CUX2: variants seen among roughly 807,000 people sequenced by gnomAD.
CUX2 encodes the protein homeobox protein cut-like 2.
In CUX2, 40 loss-of-function variants were observed where a neutral mutation model predicts 144.8. That is an observed-to-expected ratio of 0.28 (90% CI 0.21 to 0.36). The LOEUF is 0.36. CUX2 is among the 10% of genes least tolerant of loss of function. The pLI, the probability that CUX2 is intolerant of heterozygous loss-of-function variation, is 1.00. For synonymous variants in CUX2, 827 were observed against 875.6 expected, an observed-to-expected ratio of 0.94 and a Z score of 0.98; for missense variants, 1,615 against 1,994.0, an observed-to-expected ratio of 0.81 and a Z score of 3.62.
intron 1 of CUX2, among the ~76,000 whole-genome samples, chr12:111,103,123 A>G (rs1873361357): frequency 6.6e-6 from 1 of 152,014 alleles, no homozygotes; most frequent in African/African-American, 2.4e-5. Context: ...TTTCTATTTC[A>G]TGGATTTTTG....
intron 1 of CUX2, among the ~76,000 whole-genome samples, chr12:111,147,852 C>T (rs556660717): frequency 4.6e-5 from 7 of 152,250 alleles, no homozygotes; most frequent in African/African-American, 1.7e-4. Flanking sequence ...ACGAGTCCTC[C>T]AGGGGGCCCA....
chr12:111,281,183 G>A (rs981312914), intron 4 of CUX2, among the ~76,000 whole-genome samples: 1 of 152,084 alleles, frequency 6.6e-6, no homozygotes, highest in Non-Finnish European at 1.5e-5. Context: ...TCAACAGAGG[G>A]GCTTTGGCAT....
At chr12:111,245,992 C>A (rs986261651) in intron 3 of CUX2, among the ~76,000 whole-genome samples, 2 of 152,154 alleles carry the variant, frequency 1.3e-5, no homozygotes, top group African/African-American at 4.8e-5. Flanking sequence ...GCCTGTACCC[C>A]GCTCAGGCAG....
intron 1 of CUX2, among the ~76,000 whole-genome samples, chr12:111,184,263 A>G (rs1396625453): frequency 6.6e-6 from 1 of 152,176 alleles, no homozygotes; most frequent in Non-Finnish European, 1.5e-5. Flanking sequence ...ATTAATAGTA[A>G]GAGGAAACCC....
chr12:111,239,154 CCTT>C (rs1018658919), intron 3 of CUX2, among the ~76,000 whole-genome samples: 1 of 152,174 alleles, frequency 6.6e-6, no homozygotes, highest in Non-Finnish European at 1.5e-5. Flanking sequence ...GAACGCCTCT[CCTT>C]ATTCTAGTCT....
Position 111,201,512 on chromosome 12 carries a change from C to T in CUX2, c.64-12688C>T, listed in dbSNP as rs78042442. 1.8e-3 allele frequency among the ~76,000 whole-genome samples: 269 copies of T among 152,346 alleles called. 1 individual carries two copies. The highest frequency in any genetic ancestry group is 2.9e-3 in the Non-Finnish European group (195 of 68,024). On this transcript the variant is annotated intron_variant, in intron 1 of 21. Coordinates refer to ENST00000261726, the MANE Select transcript of CUX2 (RefSeq NM_015267.4). The stretch of plus-strand genomic sequence containing the variant: ...CTCTAGTGCCTTCCCCCAGGCCCCA[C>T]GTGCCCTTAGGCGCAGCTCTCTCCA...
In CUX2 at chr12:111,335,372, G is replaced by A. The variant is rs562905842; in HGVS notation, c.3196+662G>A. On this transcript the variant is annotated intron_variant, in intron 19 of 21. Coordinates refer to ENST00000261726, the MANE Select transcript of CUX2 (RefSeq NM_015267.4). ...CACACCACTGCACTCTAGCCAAGGC[G>A]ACAGAGCGAGACCTCATCTCAAAAA... Among the ~76,000 whole-genome samples, 44 of 149,964 alleles carry A rather than the reference G, an allele frequency of 2.9e-4. 1 individual carries two copies. Among genetic ancestry groups the A allele is most frequent in the African/African-American group, 1.1e-3 (43 of 40,658 alleles).
chr12:111,098,016 G>A (rs1489035299), intron 1 of CUX2, among the ~76,000 whole-genome samples: 2 of 152,174 alleles, frequency 1.3e-5, no homozygotes, highest in Middle Eastern at 3.2e-3. Context: ...GCCATTGAAG[G>A]GCGTAAGCTT....
rs1052526550 is a variant in CUX2, at chr12:111,310,051, A to C, written c.1269A>C (p.Pro423=). The change falls in exon 15 of 22, where the codon CCA becomes CCC. Residue 423 remains proline (P), a synonymous_variant. Transcript: ENST00000261726. This position sits in a 1 kb window ranked among gnomAD's most constrained non-coding sequence, Gnocchi z 7.9. ...GTCTGGGTGTTCTAGAGGAAGACCCATCAGAGGACGATTCCATCAAGGATT... is the reference window on the plus strand; with the variant it reads ...GTCTGGGTGTTCTAGAGGAAGACCCCTCAGAGGACGATTCCATCAAGGATT... The part of the protein sequence containing the change: ...PSLLASPEED[P]SEDDSIKDSL... 7.4e-7 allele frequency: 1 copy of C among 1,349,976 alleles called. No homozygotes were observed. The highest frequency in any genetic ancestry group is 1.5e-5 in the African/African-American group (1 of 66,958). 83.6% of individuals were successfully genotyped at this position (1,349,976 alleles called of 1,614,324 possible). A position where few individuals can be genotyped will look rare whatever the true frequency, so the allele number is the denominator to read the frequency against.
chr12:111,316,305 A>ATT (rs575037793), intron 16 of CUX2, among the ~76,000 whole-genome samples: 29 of 143,062 alleles, frequency 2.0e-4, no homozygotes, highest in African/African-American at 4.9e-4. Context: ...CGCCCGGTTA[A>ATT]TTTTTTTTTT....
chr12:111,319,890 G>A, intron 16 of CUX2, 122 bp from the exon 17 acceptor site: 1 of 1,348,482 alleles, frequency 7.4e-7, no homozygotes, highest in African/African-American at 1.5e-5. Flanking sequence ...CCAATCCCCA[G>A]TTGCTGGACA....
intron 1 of CUX2, among the ~76,000 whole-genome samples, chr12:111,209,367 CT>C (rs1881086910): frequency 6.6e-6 from 1 of 152,130 alleles, no homozygotes; most frequent in Non-Finnish European, 1.5e-5. Context: ...GCAGTCCAGC[CT>C]GGGTGACAGA....
chr12:111,150,000 C>A (rs1876935810), intron 1 of CUX2, among the ~76,000 whole-genome samples: 1 of 152,120 alleles, frequency 6.6e-6, no homozygotes, highest in Admixed American at 6.5e-5. Context: ...CGGACAGTGA[C>A]TTTGTGGGGT....
intron 1 of CUX2, among the ~76,000 whole-genome samples, chr12:111,165,967 T>C (rs1032102665): frequency 2.6e-5 from 4 of 152,246 alleles, no homozygotes; most frequent in Admixed American, 2.6e-4. Context: ...ATATTACTAA[T>C]ATGAAATGGT....
At chr12:111,278,152 C>T (rs1030640874) in intron 4 of CUX2, among the ~76,000 whole-genome samples, 2 of 152,322 alleles carry the variant, frequency 1.3e-5, no homozygotes, top group South Asian at 2.1e-4. Flanking sequence ...CGTGGTGGCT[C>T]ACACCTGTAA....
intron 1 of CUX2, among the ~76,000 whole-genome samples, chr12:111,128,026 CAT>C (rs1211092772): frequency 6.6e-6 from 1 of 152,202 alleles, no homozygotes; most frequent in Non-Finnish European, 1.5e-5. Flanking sequence ...AGAGCCAAAC[CAT>C]ATCAGTGGGT....
intron 1 of CUX2, among the ~76,000 whole-genome samples, chr12:111,203,604 A>G (rs1880743532): frequency 6.6e-6 from 1 of 152,036 alleles, no homozygotes; most frequent in African/African-American, 2.4e-5. Context: ...CCTGGAGCAG[A>G]GTGGGCCGGA....
chr12:111,039,461 G>A lies in CUX2; in HGVS notation c.63+5221G>A, dbSNP rs1235872310. Among the ~76,000 whole-genome samples the A allele has an allele frequency of 6.6e-6, 1 of 152,186 alleles. No homozygotes were observed. Among genetic ancestry groups the A allele is most frequent in the Non-Finnish European group, 1.5e-5 (1 of 68,030 alleles). On this transcript the variant is annotated intron_variant, in intron 1 of 21. Coordinates refer to ENST00000261726, the MANE Select transcript of CUX2 (RefSeq NM_015267.4). The surrounding 1 kb of genome is among the most constrained non-coding windows in gnomAD (Gnocchi z 4.2). The stretch of plus-strand genomic sequence containing the variant: ...TCCTGCTTCTTAACCCTTGAAGTCA[G>A]CTGGCTGTGCCCAACTTTGCTGTAC...
intron 1 of CUX2, among the ~76,000 whole-genome samples, chr12:111,140,627 T>C (rs1876251633): frequency 6.6e-6 from 1 of 152,160 alleles, no homozygotes; most frequent in South Asian, 2.1e-4. Context: ...AGCAGCTAAA[T>C]ATAGCCCCTG....
Sources: gnomAD v4.1 joint callset for allele counts (sites outside exome capture counted in the v4.1 genomes callset) on GRCh38, gnomAD v4.1.1 for gene constraint, Gnocchi (gnomAD v3.1) non-coding constraint, MANE v1.5 for transcripts, NCBI Gene and HGNC (gene_info 2026-07-23, HGNC 2026-07-21) for gene names.